Variants in MCF2L observed in about 807,000 individuals in gnomAD.
MCF2L encodes the protein guanine nucleotide exchange factor DBS.
In MCF2L, 97 loss-of-function variants were observed where a neutral mutation model predicts 153.4. The observed-to-expected ratio is 0.63, with a 90% CI of 0.54 to 0.75. The LOEUF (loss-of-function observed/expected upper bound fraction) is 0.75. MCF2L is among the 30% of genes least tolerant of loss of function. The pLI is 0.00. For missense variants in MCF2L, 1,347 were observed against 1,495.2 expected, an observed-to-expected ratio of 0.90 and a Z score of 1.64; for synonymous variants, 659 against 632.2, an observed-to-expected ratio of 1.04 and a Z score of -0.64.
intron 25 of MCF2L, 42 bp downstream of exon 25, chr13:113,088,670 A>G: frequency 6.3e-7 from 1 of 1,582,502 alleles, no homozygotes; most frequent in Non-Finnish European, 8.6e-7. Flanking sequence ...TTTCTGGAGC[A>G]GTCCCGAGCA....
In MCF2L at chr13:113,096,440, G is replaced by A; in HGVS notation, c.3145G>A (p.Gly1049Arg). The A allele has an allele frequency of 6.3e-7, 1 of 1,594,808 alleles. No homozygotes were observed. The highest frequency in any genetic ancestry group is 8.5e-7 in the Non-Finnish European group (1 of 1,171,946). The change falls in exon 28 of 30, where the codon GGG becomes AGG. Residue 1049 changes from glycine (G) to arginine (R), a missense_variant. Gly to Arg is a moderately radical substitution (Grantham distance 125). Around this residue, in one of 3 missense-constraint regions of MCF2L, gnomAD observed 383 missense variants for 335.4 expected, o/e 1.14. Coordinates refer to ENST00000535094, the MANE Select transcript of MCF2L (RefSeq NM_001112732.3). ...GGPDALRVRSGDVVELVQEGD... is the reference protein window; with the variant it reads ...GGPDALRVRSRDVVELVQEGD... ...CCCCGATGCGCTGCGCGTGAGGAGC[G>A]GGGACGTGGTGGAGCTGGTGCAGGA... is the stretch of plus-strand genomic sequence containing the variant.
intron 1 of MCF2L, among the ~76,000 whole-genome samples, chr13:113,002,467 G>T (rs2083439711): frequency 6.6e-6 from 1 of 152,256 alleles, no homozygotes; most frequent in African/African-American, 2.4e-5. Context: ...GCCACCCGTG[G>T]TGCAAGGCGT....
intron 2 of MCF2L, among the ~76,000 whole-genome samples, chr13:112,935,458 TG>T (rs2081505498): frequency 6.6e-6 from 1 of 152,154 alleles, no homozygotes; most frequent in African/African-American, 2.4e-5. Flanking sequence ...GATTTCACCA[TG>T]TTGGCCAGGC....
At chr13:113,095,067 C>G (rs2035536682) in intron 27 of MCF2L, 10 of 1,368,166 alleles carry the variant, frequency 7.3e-6, no homozygotes, top group African/African-American at 1.5e-5. Context: ...AATGCTGTCA[C>G]TGAGCCTTCC....
intron 1 of MCF2L, among the ~76,000 whole-genome samples, chr13:112,976,131 G>C (rs919850453): frequency 1.8e-4 from 24 of 133,184 alleles, no homozygotes; most frequent in African/African-American, 7.6e-4. Context: ...GGCTCTCAGC[G>C]AATGTTCCGG....
chr13:113,021,591 G>A (rs773341477), intron 2 of MCF2L, among the ~76,000 whole-genome samples: 4 of 152,184 alleles, frequency 2.6e-5, no homozygotes, highest in African/African-American at 4.8e-5. Flanking sequence ...CGTTCAGTCC[G>A]CCTCCAGTTA....
intron 1 of MCF2L, among the ~76,000 whole-genome samples, chr13:112,986,603 C>T (rs1213673198): frequency 6.6e-6 from 1 of 152,240 alleles, no homozygotes; most frequent in Non-Finnish European, 1.5e-5. Flanking sequence ...CCCTGGGCCC[C>T]CTGGTTAGGA....
chr13:113,033,632 T>A (rs976057922), intron 3 of MCF2L, among the ~76,000 whole-genome samples: 2 of 147,594 alleles, frequency 1.4e-5, no homozygotes, highest in Non-Finnish European at 2.9e-5. Context: ...GCTGGGTGAT[T>A]TCCCCCCCCC....
chr13:113,091,217 C>T (rs780224358), intron 26 of MCF2L: 34 of 1,303,302 alleles, frequency 2.6e-5, no homozygotes, highest in African/African-American at 1.4e-4. Flanking sequence ...CCCTCGGGCA[C>T]GGCACCCACT....
chr13:113,062,512 C>T (rs1403928269), intron 5 of MCF2L, among the ~76,000 whole-genome samples: 5 of 152,110 alleles, frequency 3.3e-5, no homozygotes, highest in Admixed American at 3.3e-4. Flanking sequence ...GGGAGCAAGA[C>T]CGACCTCACG....
chr13:112,994,809 G>C (rs1211673506), intron 1 of MCF2L, among the ~76,000 whole-genome samples: 1 of 152,224 alleles, frequency 6.6e-6, no homozygotes, highest in Non-Finnish European at 1.5e-5. Flanking sequence ...GAGTGAGTCG[G>C]AAAGGCCACC....
intron 2 of MCF2L, among the ~76,000 whole-genome samples, chr13:112,945,534 G>A (rs540417746): frequency 6.6e-6 from 1 of 152,300 alleles, no homozygotes; most frequent in South Asian, 2.1e-4. Flanking sequence ...TTTTTTATGA[G>A]ATTTGTTTAA....
intron 2 of MCF2L, among the ~76,000 whole-genome samples, chr13:112,929,573 G>C (rs576486937): frequency 1.3e-5 from 2 of 152,352 alleles, no homozygotes; most frequent in Non-Finnish European, 2.9e-5. Context: ...GATGAAATCT[G>C]TGAAGTGCAT....
chr13:113,022,104 G>A (rs1463284607), intron 2 of MCF2L, among the ~76,000 whole-genome samples: 1 of 152,142 alleles, frequency 6.6e-6, no homozygotes, highest in African/African-American at 2.4e-5. Flanking sequence ...TGGCCTCTGG[G>A]GGTCCCCGGT....
chr13:113,011,625 T>C (rs1340712951), intron 1 of MCF2L, among the ~76,000 whole-genome samples: 7 of 132,676 alleles, frequency 5.3e-5, no homozygotes, highest in East Asian at 2.5e-4. Context: ...GGTGGACAGG[T>C]GGTGTGGACG....
intron 1 of MCF2L, among the ~76,000 whole-genome samples, chr13:113,006,809 C>T (rs925456016): frequency 6.6e-6 from 1 of 152,214 alleles, no homozygotes; most frequent in East Asian, 1.9e-4. Flanking sequence ...GCCCAGGAGG[C>T]TCGGCCTGGA....
chr13:112,999,597 G>A (rs11838397), intron 1 of MCF2L, among the ~76,000 whole-genome samples: 6 of 152,164 alleles, frequency 3.9e-5, no homozygotes, highest in South Asian at 2.1e-4. Context: ...TGGGAGCACC[G>A]AGGGAGGAGG....
intron 1 of MCF2L, among the ~76,000 whole-genome samples, chr13:113,006,474 G>A (rs1473073192): frequency 6.6e-6 from 1 of 152,164 alleles, no homozygotes; most frequent in South Asian, 2.1e-4. Flanking sequence ...GAACCCCGAG[G>A]GGGTCTCCCT....
Position 113,074,536 on chromosome 13 carries a change from C to A in MCF2L, c.1089C>A (p.Asp363Glu), listed in dbSNP as rs1395191081. Reference sequence around the variant, plus strand: ...CGCATGTGGAGCACCTGCTGAGGGACCTGGCCAGCTTCGAGGAGAAATCAG... The same window carrying A: ...CGCATGTGGAGCACCTGCTGAGGGAACTGGCCAGCTTCGAGGAGAAATCAG... ...SLAHVEHLLR[D>E]LASFEEKSGV... Residue 363 changes from aspartate (D) to glutamate (E), a missense_variant, in exon 10 of 30, where the codon GAC becomes GAA. By Grantham distance (45) the Asp-to-Glu change is conservative. Coordinates refer to ENST00000535094, the MANE Select transcript of MCF2L (RefSeq NM_001112732.3). The surrounding 1 kb of genome is among the most constrained non-coding windows in gnomAD (Gnocchi z 4.2). 4.3e-6 allele frequency: 7 copies of A among 1,613,898 alleles called. No homozygotes were observed. In the African/African-American group the frequency reaches 6.7e-5, roughly 15 times the overall value.
Sources: gnomAD v4.1 joint callset for allele counts (sites outside exome capture counted in the v4.1 genomes callset) on GRCh38, gnomAD v4.1.1 for gene constraint, gnomAD v4.1.1 regional missense constraint, Gnocchi (gnomAD v3.1) non-coding constraint, MANE v1.5 for transcripts, NCBI Gene and HGNC (gene_info 2026-07-23, HGNC 2026-07-21) for gene names.